The following ARMC10 variants were observed in gnomAD, a reference collection of about 807,000 sequenced individuals.
ARMC10 encodes armadillo repeat-containing protein 10.
In ARMC10, 23 loss-of-function variants were observed where a neutral mutation model predicts 30.2. The ratio of observed to expected loss-of-function variants is 0.76; its 90% CI spans 0.55 to 1.08. The LOEUF is 1.08. Among genes scored for constraint, ARMC10 ranks in the 50% least tolerant of loss-of-function variants. The probability of loss-of-function intolerance (pLI) is 0.00; values close to 1 mark genes in which losing one functional copy is unlikely to be tolerated. For synonymous variants in ARMC10, 111 were observed against 164.4 expected, an observed-to-expected ratio of 0.68 and a Z score of 2.48; for missense variants, 303 against 413.7, an observed-to-expected ratio of 0.73 and a Z score of 2.32.
At position 103,083,751 on chromosome 7, in the gene ARMC10, T is replaced by G. The variant is rs768727142; in HGVS notation, c.314T>G (p.Leu105Arg). 6.2e-7 allele frequency: 1 copy of G among 1,613,844 alleles called. No individual in the cohort carries two copies. The highest frequency in any genetic ancestry group is 1.1e-5 in the South Asian group (1 of 91,076). The part of the protein sequence containing the change: ...AEQLQKLLYL[L>R]ESTEDPVIIE... ...CAACTTCAGAAACTCCTTTACCTGC[T>G]GGAGTCAACGGAGGATCCTGTAATT... The change falls in exon 3 of 7, where the codon CTG becomes CGG. Residue 105 changes from leucine to arginine, a missense_variant. Physicochemically the swap from Leu to Arg is moderately radical, Grantham distance 102. This residue lies in a region of ARMC10 where 170 missense variants were observed against 207.2 expected (regional missense o/e 0.82). Coordinates refer to ENST00000323716, the MANE Select transcript of ARMC10 (RefSeq NM_031905.5).
At chr7:103,093,440 T>TA (rs1270850175) in intron 5 of ARMC10, among the ~76,000 whole-genome samples, 3 of 152,214 alleles carry the variant, frequency 2.0e-5, no homozygotes, top group African/African-American at 7.2e-5. Flanking sequence ...AGGAGAGTCT[T>TA]ACTGTAGTCC....
At chr7:103,091,387 T>G (rs1454154652) in intron 4 of ARMC10, among the ~76,000 whole-genome samples, 1 of 152,216 alleles carries the variant, frequency 6.6e-6, no homozygotes, top group Non-Finnish European at 1.5e-5. Context: ...CAGAAAAGTT[T>G]CCATCACACT....
chr7:103,097,385 A>G, intron 6 of ARMC10, 37 bp downstream of exon 6: 1 of 1,395,514 alleles, frequency 7.2e-7, no homozygotes, highest in Non-Finnish European at 1.0e-6. Flanking sequence ...AAATATACAC[A>G]TATATACATT....
At chr7:103,089,845 C>T (rs1163989454) in intron 4 of ARMC10, among the ~76,000 whole-genome samples, 1 of 152,182 alleles carries the variant, frequency 6.6e-6, no homozygotes, top group Non-Finnish European at 1.5e-5. Flanking sequence ...TATCAAACCT[C>T]CTGCTTTGTG....
chr7:103,078,824 CAT>C (rs1363009358), intron 2 of ARMC10, among the ~76,000 whole-genome samples: 2 of 151,970 alleles, frequency 1.3e-5, no homozygotes, highest in African/African-American at 4.8e-5. Flanking sequence ...GGCTGGGCAA[CAT>C]AGTGAAACCC....
At chr7:103,096,246 T>A (rs1801749969) in intron 5 of ARMC10, 1 of 152,170 alleles carries the variant, frequency 6.6e-6, no homozygotes, top group South Asian at 2.1e-4. Flanking sequence ...TTGCCTGTAA[T>A]CCTAGTTACT....
intron 5 of ARMC10, among the ~76,000 whole-genome samples, chr7:103,094,153 G>A (rs1861730): frequency 2.0e-5 from 3 of 152,120 alleles, no homozygotes; most frequent in African/African-American, 7.3e-5. Context: ...TTTAAATATC[G>A]TATTTTGCTT....
chr7:103,075,898 TG>T lies in ARMC10; in HGVS notation c.244+20del. On this transcript the variant is annotated intron_variant, in intron 2 of 6. Coordinates refer to ENST00000323716, the MANE Select transcript of ARMC10 (RefSeq NM_031905.5). ...CGCAGCCTGGTGTGTGTTTTGGAAA[TG>T]GGAACAGTTGTCTGCGCGAGACACA... 6.5e-7 allele frequency: 1 copy of T among 1,542,306 alleles called. No individual in the cohort carries two copies. Among genetic ancestry groups the T allele is most frequent in the Non-Finnish European group, 8.8e-7 (1 of 1,137,372 alleles).
chr7:103,091,460 A>G (rs908267597), intron 4 of ARMC10, among the ~76,000 whole-genome samples: 3 of 148,938 alleles, frequency 2.0e-5, no homozygotes, highest in Non-Finnish European at 4.4e-5. Context: ...TTTACCAGTG[A>G]TAGTTAACAA....
rs1372987137 is a variant in ARMC10, at chr7:103,086,623, CT to C, written c.394-6del. On this transcript the variant is annotated splice_polypyrimidine_tract_variant and splice_region_variant and intron_variant, in intron 3 of 6. Coordinates refer to ENST00000323716, the MANE Select transcript of ARMC10 (RefSeq NM_031905.5). ...GTCCTGCTTTTTTTTTTTTTTTCCC[CT>C]CGTAGGCTATTATTCGTGAATTGGG... The C allele has an allele frequency of 3.2e-6, 5 of 1,573,076 alleles. No homozygotes were observed. In the African/African-American group the frequency reaches 5.6e-5, roughly 18 times the overall value.
chr7:103,080,294 G>A (rs1331514098), intron 2 of ARMC10, among the ~76,000 whole-genome samples: 1 of 152,118 alleles, frequency 6.6e-6, no homozygotes, highest in African/African-American at 2.4e-5. Context: ...TTGCTCTGTC[G>A]CCCAGGCTGG....
chr7:103,087,702 A>C, intron 4 of ARMC10: 2 of 860,892 alleles, frequency 2.3e-6, no homozygotes, highest in Non-Finnish European at 2.8e-6. Flanking sequence ...ATTTCCTTGA[A>C]TATAATGTTG....
At chr7:103,089,052 G>A (rs1801091216) in intron 4 of ARMC10, 2 of 156,070 alleles carry the variant, frequency 1.3e-5, no homozygotes, top group African/African-American at 4.8e-5. Flanking sequence ...TAACTTCTTT[G>A]TAATTAAACA....
chr7:103,091,781 A>G (rs920058593), intron 4 of ARMC10, among the ~76,000 whole-genome samples: 3 of 152,224 alleles, frequency 2.0e-5, no homozygotes, highest in African/African-American at 7.2e-5. Flanking sequence ...AACCAGGGAG[A>G]AGCCACTGGT....
intron 2 of ARMC10, among the ~76,000 whole-genome samples, chr7:103,081,065 T>G (rs1422674218): frequency 6.6e-6 from 1 of 152,194 alleles, no homozygotes; most frequent in Non-Finnish European, 1.5e-5. Context: ...AATATACTAG[T>G]CACTTTAAAT....
In ARMC10 at chr7:103,098,658, A is replaced by G. The variant is rs1328373835; in HGVS notation, c.*105A>G. 1 of 1,484,792 alleles carries G rather than the reference A, an allele frequency of 6.7e-7. No individual in the cohort carries two copies. The highest frequency in any genetic ancestry group is 8.9e-7 in the Non-Finnish European group (1 of 1,117,820). 92.0% of individuals were successfully genotyped at this position (1,484,792 alleles called of 1,614,324 possible). On this transcript the variant is annotated 3_prime_UTR_variant, in exon 7 of 7. Transcript: ENST00000323716. ...CTGCTAAATTTAAACAGTAAATATCACATTTTGTCATTAACACAGCTATAA... is the reference window on the plus strand; with the variant it reads ...CTGCTAAATTTAAACAGTAAATATCGCATTTTGTCATTAACACAGCTATAA...
intron 2 of ARMC10, among the ~76,000 whole-genome samples, chr7:103,077,442 G>A (rs1033817683): frequency 5.9e-5 from 9 of 152,120 alleles, no homozygotes; most frequent in Admixed American, 6.5e-5. Flanking sequence ...TTGAGGGGCC[G>A]TAGCTGGTAA....
At chr7:103,082,297 T>A (rs1800449239) in intron 2 of ARMC10, among the ~76,000 whole-genome samples, 1 of 152,168 alleles carries the variant, frequency 6.6e-6, no homozygotes, top group African/African-American at 2.4e-5. Context: ...TTGTTTCCCA[T>A]GTGTAATCTA....
chr7:103,081,605 G>A (rs1800390200), intron 2 of ARMC10, among the ~76,000 whole-genome samples: 2 of 152,132 alleles, frequency 1.3e-5, no homozygotes, highest in African/African-American at 2.4e-5. Flanking sequence ...AGACTCCTCA[G>A]TTCAAGTGAT....
Sources: gnomAD v4.1 joint callset for allele counts (sites outside exome capture counted in the v4.1 genomes callset) on GRCh38, gnomAD v4.1.1 for gene constraint, gnomAD v4.1.1 regional missense constraint, MANE v1.5 for transcripts, NCBI Gene and HGNC (gene_info 2026-07-23, HGNC 2026-07-21) for gene names.